The following COL21A1 variants were observed in gnomAD, a reference collection of about 807,000 sequenced individuals.
COL21A1 encodes the protein collagen alpha-1(XXI) chain.
Under a neutral mutation model 137.9 loss-of-function variants are expected in COL21A1, and 149 were observed. That is an observed-to-expected ratio of 1.08 (90% confidence interval 0.95 to 1.24). The LOEUF (loss-of-function observed/expected upper bound fraction) is 1.24, where lower values mean the gene tolerates loss of function less well. COL21A1 is among the 50% of genes most tolerant of loss of function. The pLI is 0.00. For missense variants in COL21A1, 1,167 were observed against 1,158.4 expected, an observed-to-expected ratio of 1.01 and a Z score of -0.11; for synonymous variants, 456 against 391.5, an observed-to-expected ratio of 1.16 and a Z score of -1.95.
At chr6:56,253,357 C>T (rs181384241) in intron 1 of COL21A1, among the ~76,000 whole-genome samples, 2 of 152,240 alleles carry the variant, frequency 1.3e-5, no homozygotes, top group South Asian at 4.1e-4. Flanking sequence ...TACAAATGAA[C>T]CTTTGACCCA....
chr6:56,251,293 A>T (rs1562025062), upstream of COL21A1, among the ~76,000 whole-genome samples: 1 of 152,344 alleles, frequency 6.6e-6, no homozygotes, highest in South Asian at 2.1e-4. Flanking sequence ...CAAATTCTCA[A>T]CTAAATTATA....
chr6:56,325,321 A>T lies in COL21A1; in HGVS notation c.-39+68650T>A, dbSNP rs1365634416. On this transcript the variant is annotated intron_variant, in intron 1 of 28. Coordinates refer to the COL21A1 transcript ENST00000370819. Reference sequence around the variant, plus strand: ...ATATATTATAATATATATATTATATATTATATATATTATATATTATATATT... The same window carrying T: ...ATATATTATAATATATATATTATATTTTATATATATTATATATTATATATT... Among the ~76,000 whole-genome samples, 2 of 424 alleles carry T rather than the reference A, an allele frequency of 4.7e-3. 1 individual carries two copies. Among genetic ancestry groups the T allele is most frequent in the East Asian group, 1 (2 of 2 alleles). The allele number at this position is 424 out of a possible 152,430, so 0.3% of individuals were successfully genotyped here.
chr6:56,083,348 C>A (rs1029007389), intron 17 of COL21A1, among the ~76,000 whole-genome samples: 1 of 151,838 alleles, frequency 6.6e-6, no homozygotes, highest in Admixed American at 6.6e-5. Flanking sequence ...AGGAATCTAT[C>A]CTTCATTTTC....
intron 17 of COL21A1, among the ~76,000 whole-genome samples, chr6:56,097,676 T>G (rs908020295): frequency 2.0e-5 from 3 of 147,854 alleles, no homozygotes; most frequent in African/African-American, 7.5e-5. Context: ...AATCAGTGTC[T>G]GCTTGGCGAT....
At chr6:56,265,903 T>G (rs896188294) in intron 1 of COL21A1, among the ~76,000 whole-genome samples, 1 of 147,112 alleles carries the variant, frequency 6.8e-6, no homozygotes, top group African/African-American at 2.4e-5. Flanking sequence ...TTACATTCCA[T>G]CTATCTATGA....
chr6:56,116,274 G>A (rs561122938), intron 16 of COL21A1, among the ~76,000 whole-genome samples: 30 of 151,328 alleles, frequency 2.0e-4, no homozygotes, highest in African/African-American at 7.0e-4. Flanking sequence ...AGCAGCAAAC[G>A]ACAAAAATAA....
At chr6:56,152,749 T>C (rs947793247) in intron 10 of COL21A1, among the ~76,000 whole-genome samples, 1 of 149,614 alleles carries the variant, frequency 6.7e-6, no homozygotes, top group Non-Finnish European at 1.5e-5. Flanking sequence ...CTTCCAAACA[T>C]TACCCAGGAT....
intron 1 of COL21A1, among the ~76,000 whole-genome samples, chr6:56,378,076 G>A (rs1056941554): frequency 2.0e-5 from 3 of 152,132 alleles, no homozygotes; most frequent in Admixed American, 6.5e-5. Context: ...CGATACCCAG[G>A]TACTACGTGG....
intron 16 of COL21A1, among the ~76,000 whole-genome samples, chr6:56,118,172 A>G (rs1772111295): frequency 6.6e-6 from 1 of 151,892 alleles, no homozygotes. Context: ...AACAAAATTG[A>G]CAAATTTTTA....
chr6:56,166,790 A>G (rs2152269490), intron 7 of COL21A1, 116 bp downstream of exon 7: 1 of 837,300 alleles, frequency 1.2e-6, no homozygotes, highest in Non-Finnish European at 2.0e-6. Flanking sequence ...CACTAACATT[A>G]AAAAATAAAA....
intron 1 of COL21A1, among the ~76,000 whole-genome samples, chr6:56,374,776 T>A (rs2093996317): frequency 6.7e-6 from 1 of 150,234 alleles, no homozygotes; most frequent in African/African-American, 2.5e-5. Context: ...AACCTTGGAA[T>A]GTTTGTAAAA....
intron 2 of COL21A1, among the ~76,000 whole-genome samples, chr6:56,181,657 A>T (rs1777901971): frequency 6.6e-6 from 1 of 152,180 alleles, no homozygotes; most frequent in Non-Finnish European, 1.5e-5. Context: ...AATGCCATTT[A>T]TAAGCCCTAG....
intron 1 of COL21A1, among the ~76,000 whole-genome samples, chr6:56,207,805 A>G (rs1779890208): frequency 6.6e-6 from 1 of 152,194 alleles, no homozygotes; most frequent in South Asian, 2.1e-4. Context: ...GGCAAACTGA[A>G]TCCAGCAGCA....
In COL21A1 at chr6:56,076,471, T is replaced by TA. The variant is rs978931135; in HGVS notation, c.1858-940dup. Among the ~76,000 whole-genome samples the TA allele has an allele frequency of 2.0e-5, 3 of 147,288 alleles. No homozygotes were observed. In the Admixed American group the frequency reaches 2.1e-4, roughly 10 times the overall value. On this transcript the variant is annotated intron_variant, in intron 18 of 29. Coordinates refer to ENST00000244728, the MANE Select transcript of COL21A1 (RefSeq NM_030820.4). ...TTTAGAATTAGATATGAGATTTTTTTAAATTAAAAAAACAGAATCATGAAA... is the reference window on the plus strand; with the variant it reads ...TTTAGAATTAGATATGAGATTTTTTTAAAATTAAAAAAACAGAATCATGAAA...
chr6:56,156,635 A>G (rs1775763653), intron 10 of COL21A1, among the ~76,000 whole-genome samples: 1 of 113,012 alleles, frequency 8.8e-6, no homozygotes, highest in Admixed American at 8.8e-5. Context: ...AAACTGTGGA[A>G]TAACTCAATG....
intron 1 of COL21A1, among the ~76,000 whole-genome samples, chr6:56,307,695 C>A (rs909470949): frequency 6.6e-5 from 10 of 152,154 alleles, no homozygotes; most frequent in African/African-American, 2.2e-4. Flanking sequence ...CCTCGCCCTG[C>A]TTGGGCTCAT....
intron 1 of COL21A1, among the ~76,000 whole-genome samples, chr6:56,245,456 T>C (rs1782585171): frequency 6.6e-6 from 1 of 152,236 alleles, no homozygotes. Context: ...CAGTTGGTAT[T>C]TAAATAAAAA....
intron 1 of COL21A1, among the ~76,000 whole-genome samples, chr6:56,385,541 T>C (rs532674007): frequency 1.3e-5 from 2 of 152,272 alleles, no homozygotes; most frequent in South Asian, 4.1e-4. Flanking sequence ...TCCTCCACTT[T>C]TTCTGACATT....
intron 17 of COL21A1, among the ~76,000 whole-genome samples, chr6:56,088,871 C>T (rs937469447): frequency 2.6e-5 from 4 of 152,092 alleles, no homozygotes; most frequent in Non-Finnish European, 4.4e-5. Context: ...AATGGGGCCT[C>T]GACCTCCCAG....
Sources: gnomAD v4.1 joint callset for allele counts (sites outside exome capture counted in the v4.1 genomes callset) on GRCh38, gnomAD v4.1.1 for gene constraint, MANE v1.5 for transcripts, NCBI Gene and HGNC (gene_info 2026-07-23, HGNC 2026-07-21) for gene names.